Variants in B4GALNT3 observed in about 807,000 individuals in gnomAD.
B4GALNT3 encodes the protein beta-1,4-N-acetyl-galactosaminyltransferase 3.
B4GALNT3 carries 86 observed loss-of-function variants against 120.2 expected under a neutral mutation model. The observed-to-expected ratio is 0.72, with a 90% CI of 0.60 to 0.86. B4GALNT3 has a LOEUF of 0.86. Among genes scored for constraint, B4GALNT3 ranks in the 40% least tolerant of loss-of-function variants. The probability of loss-of-function intolerance (pLI) is 0.00; values close to 1 mark genes in which losing one functional copy is unlikely to be tolerated. For missense variants in B4GALNT3, 1,167 were observed against 1,298.9 expected, an observed-to-expected ratio of 0.90 and a Z score of 1.56; for synonymous variants, 518 against 510.4, an observed-to-expected ratio of 1.01 and a Z score of -0.20.
intron 1 of B4GALNT3, among the ~76,000 whole-genome samples, chr12:523,407 T>C (rs976673281): frequency 6.6e-6 from 1 of 152,220 alleles, no homozygotes; most frequent in Non-Finnish European, 1.5e-5. Flanking sequence ...CTACTAACTT[T>C]AACTCATTTA....
chr12:512,276 C>CCTTCCCCCTTCCACCTT, intron 1 of B4GALNT3, among the ~76,000 whole-genome samples: 1 of 101,218 alleles, frequency 9.9e-6, no homozygotes, highest in Non-Finnish European at 1.8e-5. Context: ...CCTTCTTCCA[C>CCTTCCCCCTTCCACCTT]CTTCCACCTT....
chr12:461,585 A>G (rs930912585), intron 1 of B4GALNT3, among the ~76,000 whole-genome samples: 2 of 152,208 alleles, frequency 1.3e-5, no homozygotes, highest in African/African-American at 4.8e-5. Context: ...GTGGCCTCCC[A>G]TGCCTTCACT....
chr12:560,730 G>A (rs1031092377), intron 19 of B4GALNT3, among the ~76,000 whole-genome samples: 2 of 152,200 alleles, frequency 1.3e-5, no homozygotes, highest in African/African-American at 2.4e-5. Flanking sequence ...GGCTTTTGCT[G>A]CCATGCACGG....
At chr12:493,592 GT>G (rs34112834) in intron 1 of B4GALNT3, among the ~76,000 whole-genome samples, 10,679 of 147,088 alleles carry the variant, frequency 0.073, 397 homozygotes, top group Middle Eastern at 0.15. Context: ...AAATATAATG[GT>G]TTTTTTTTTT....
intron 1 of B4GALNT3, among the ~76,000 whole-genome samples, chr12:509,591 A>G (rs1007885602): frequency 1.3e-5 from 2 of 152,206 alleles, no homozygotes; most frequent in African/African-American, 2.4e-5. Flanking sequence ...AGAGAGTCTT[A>G]TAAATACACA....
intron 1 of B4GALNT3, among the ~76,000 whole-genome samples, chr12:528,193 C>T (rs1369274449): frequency 6.6e-6 from 1 of 152,060 alleles, no homozygotes; most frequent in Non-Finnish European, 1.5e-5. Flanking sequence ...GCCTTCTTTT[C>T]CGGCTTATTC....
chr12:549,324 A>G (rs1302942379), intron 9 of B4GALNT3, among the ~76,000 whole-genome samples: 1 of 152,224 alleles, frequency 6.6e-6, no homozygotes, highest in East Asian at 1.9e-4. Context: ...CTCTATGCCA[A>G]AGTTCCTTAT....
chr12:556,950 G>A, intron 15 of B4GALNT3, 84 bp downstream of exon 15: 1 of 1,391,582 alleles, frequency 7.2e-7, no homozygotes, highest in South Asian at 1.4e-5. Flanking sequence ...GCACTGATTT[G>A]ATCCCATAAG....
chr12:512,998 ACCTTCCACCTTCCG>A (rs1437249188), intron 1 of B4GALNT3, among the ~76,000 whole-genome samples: 1 of 68,028 alleles, frequency 1.5e-5, no homozygotes, highest in African/African-American at 5.8e-5. Context: ...TCTTCCTTCC[ACCTTCCACCTTCCG>A]CCTTCCACCT....
intron 1 of B4GALNT3, among the ~76,000 whole-genome samples, chr12:468,620 G>T (rs1333467850): frequency 6.6e-6 from 1 of 152,096 alleles, no homozygotes; most frequent in Non-Finnish European, 1.5e-5. Context: ...CCCTGCAAAG[G>T]TCTCACACCA....
chr12:499,039 G>A (rs750972067), intron 1 of B4GALNT3, among the ~76,000 whole-genome samples: 5 of 152,198 alleles, frequency 3.3e-5, no homozygotes, highest in Non-Finnish European at 5.9e-5. Context: ...ACAAAATCTG[G>A]TGGGGTATTC....
At chr12:497,522 G>A (rs1258227574) in intron 1 of B4GALNT3, among the ~76,000 whole-genome samples, 1 of 152,226 alleles carries the variant, frequency 6.6e-6, no homozygotes, top group Non-Finnish European at 1.5e-5. Flanking sequence ...TCTGTCAATG[G>A]ACATTTGGGT....
chr12:510,502 G>GGAGTTGTCTGGGCTGGGA (rs556557465), intron 1 of B4GALNT3, among the ~76,000 whole-genome samples: 1 of 147,364 alleles, frequency 6.8e-6, no homozygotes, highest in Non-Finnish European at 1.5e-5. Context: ...GGAGGGAAAC[G>GGAGTTGTCTGGGCTGGGA]GGCCCTTTCA....
At chr12:488,848 G>A (rs1225545992) in intron 1 of B4GALNT3, among the ~76,000 whole-genome samples, 1 of 150,900 alleles carries the variant, frequency 6.6e-6, no homozygotes, top group East Asian at 1.9e-4. Flanking sequence ...AAAAAAGAAA[G>A]CAGATGTGGT....
intron 1 of B4GALNT3, among the ~76,000 whole-genome samples, chr12:534,921 C>T (rs1373475840): frequency 1.2e-4 from 18 of 152,210 alleles, no homozygotes; most frequent in Non-Finnish European, 1.5e-5. Context: ...CCTGGACTGG[C>T]TCCTTCTCTG....
intron 1 of B4GALNT3, among the ~76,000 whole-genome samples, chr12:500,705 A>G (rs1946430395): frequency 6.6e-6 from 1 of 152,014 alleles, no homozygotes; most frequent in Non-Finnish European, 1.5e-5. Context: ...CATACTATCC[A>G]GCAATGAATG....
At chr12:501,115 T>G (rs966751694) in intron 1 of B4GALNT3, among the ~76,000 whole-genome samples, 1 of 152,072 alleles carries the variant, frequency 6.6e-6, no homozygotes, top group African/African-American at 2.4e-5. Flanking sequence ...CCTCAGGTGA[T>G]CCACCCCCCT....
At chr12:462,265 G>A (rs1946029285) in intron 1 of B4GALNT3, among the ~76,000 whole-genome samples, 1 of 151,888 alleles carries the variant, frequency 6.6e-6, no homozygotes, top group Non-Finnish European at 1.5e-5. Context: ...TTAGCCAGTG[G>A]GATCTTGTGC....
At chr12:466,221 A>T (rs1019256400) in intron 1 of B4GALNT3, among the ~76,000 whole-genome samples, 4 of 152,110 alleles carry the variant, frequency 2.6e-5, no homozygotes, top group African/African-American at 9.7e-5. Flanking sequence ...TGGCTTCTGG[A>T]GAGGCTGGTA....
Sources: allele counts gnomAD v4.1 joint callset (sites outside exome capture counted in the v4.1 genomes callset), GRCh38; gene constraint gnomAD v4.1.1; transcripts MANE v1.5; gene names NCBI Gene and HGNC (gene_info 2026-07-23, HGNC 2026-07-21).